Variants in RGS20 observed in about 807,000 individuals in gnomAD.
RGS20 encodes regulator of G protein signaling 20, also known as gz-selective GTPase-activating protein.
Under a neutral mutation model 33.6 loss-of-function variants are expected in RGS20, and 30 were observed. That is an observed-to-expected ratio of 0.89 (90% CI 0.67 to 1.21). The LOEUF (loss-of-function observed/expected upper bound fraction) is 1.21, where lower values mean the gene tolerates loss of function less well. Among genes scored for constraint, RGS20 ranks in the 50% most tolerant of loss-of-function variants. The pLI is 0.00. For missense variants in RGS20, 472 were observed against 502.4 expected (o/e 0.94, Z 0.58); for synonymous variants, 208 against 197.9 (o/e 1.05, Z -0.43).
At chr8:53,881,176 G>A in intron 2 of RGS20, 92 bp downstream of exon 1, 3 of 970,692 alleles carry the variant, frequency 3.1e-6, no homozygotes, top group Admixed American at 3.5e-5. Context: ...GGAGGGGCGC[G>A]CCGCTCGTCC....
intron 2 of RGS20, among the ~76,000 whole-genome samples, chr8:53,924,199 A>T (rs1204183727): frequency 6.7e-6 from 1 of 148,250 alleles, no homozygotes; most frequent in Admixed American, 6.8e-5. Context: ...TTTATTTTTT[A>T]TTTTTTTTTG....
At chr8:53,856,094 G>A (rs1811663071) in intron 1 of RGS20, among the ~76,000 whole-genome samples, 1 of 152,160 alleles carries the variant, frequency 6.6e-6, no homozygotes, top group South Asian at 2.1e-4. Context: ...CTTTCTGTAT[G>A]ATTTCTGCCC....
At chr8:53,945,097 T>C (rs1033733271) in intron 3 of RGS20, among the ~76,000 whole-genome samples, 1 of 152,176 alleles carries the variant, frequency 6.6e-6, no homozygotes, top group Non-Finnish European at 1.5e-5. Context: ...GCAGTTCTAC[T>C]CCGAGGTTTC....
chr8:53,902,539 A>G (rs1212042063), intron 2 of RGS20, among the ~76,000 whole-genome samples: 2 of 151,938 alleles, frequency 1.3e-5, no homozygotes, highest in Non-Finnish European at 2.9e-5. Context: ...CTTCCTCTCT[A>G]TCTTTCTCAT....
intron 1 of RGS20, among the ~76,000 whole-genome samples, chr8:53,868,087 G>A (rs1036218012): frequency 6.6e-6 from 1 of 152,176 alleles, no homozygotes; most frequent in Non-Finnish European, 1.5e-5. Context: ...TGGAGAATTA[G>A]CAGCCATGTG....
rs572928454 is a variant in RGS20, at chr8:53,877,980, G to C, written c.166-1278G>C. On this transcript the variant is annotated intron_variant, in intron 1 of 5. Coordinates refer to ENST00000297313, the MANE Select transcript of RGS20 (RefSeq NM_170587.4). The surrounding 1 kb of genome is among the most constrained non-coding windows in gnomAD (Gnocchi z 5.7). ...CCGCGCCAGGCCCACGAGGCCGCTC[G>C]CGACCGCTCCCGCCTTCAGGACCCT... 6.6e-6 allele frequency among the ~76,000 whole-genome samples: 1 copy of C among 152,272 alleles called. No individual in the cohort carries two copies. The highest frequency in any genetic ancestry group is 1.9e-4 in the East Asian group (1 of 5,168).
At chr8:53,957,815 TG>T (rs1401954711) in intron 5 of RGS20, among the ~76,000 whole-genome samples, 1 of 152,200 alleles carries the variant, frequency 6.6e-6, no homozygotes, top group African/African-American at 2.4e-5. Flanking sequence ...TTTGGCAGTT[TG>T]GATTTTTTGG....
intron 2 of RGS20, chr8:53,880,938 A>C (rs1812349969): frequency 6.4e-7 from 1 of 1,558,356 alleles, no homozygotes; most frequent in Non-Finnish European, 8.6e-7. Flanking sequence ...GAGAAAGGCG[A>C]AAGGCGCGGT....
In RGS20 at chr8:53,958,576, A is replaced by G. The variant is rs892162906; in HGVS notation, c.*118A>G. ...CTGGAGTAATACTCAGGCTATTCTA[A>G]TAACAGATGATTCCTTCAACAGACT... On this transcript the variant is annotated 3_prime_UTR_variant, in exon 6 of 6. Coordinates refer to ENST00000297313, the MANE Select transcript of RGS20 (RefSeq NM_170587.4). 8.7e-6 allele frequency: 4 copies of G among 459,444 alleles called. No homozygotes were observed. Among genetic ancestry groups the G allele is most frequent in the African/African-American group, 2.0e-5 (1 of 49,334 alleles). The allele number at this position is 459,444 out of a possible 1,614,324, so 28.5% of individuals were successfully genotyped here.
chr8:53,901,850 C>T (rs1290524433), intron 2 of RGS20, among the ~76,000 whole-genome samples: 1 of 152,042 alleles, frequency 6.6e-6, no homozygotes, highest in Non-Finnish European at 1.5e-5. Flanking sequence ...AGAGTGAGAC[C>T]CTGTCCCTTA....
At chr8:53,879,066 A>T (rs1240160867) in intron 1 of RGS20, among the ~76,000 whole-genome samples, 3 of 152,164 alleles carry the variant, frequency 2.0e-5, no homozygotes, top group African/African-American at 7.2e-5. Context: ...CCACACTTCA[A>T]GTAGCACGGA....
chr8:53,866,447 GCTCACTGCAACCTC>G (rs1004601509), intron 1 of RGS20, among the ~76,000 whole-genome samples: 3 of 151,874 alleles, frequency 2.0e-5, no homozygotes, highest in African/African-American at 7.3e-5. Flanking sequence ...CACAATCTCG[GCTCACTGCAACCTC>G]CGCCTCCCAG....
intron 2 of RGS20, among the ~76,000 whole-genome samples, chr8:53,887,553 C>A (rs1318766496): frequency 1.3e-5 from 2 of 152,172 alleles, no homozygotes; most frequent in Non-Finnish European, 2.9e-5. Context: ...AGAGGTGACA[C>A]AGGAGAGGGT....
At chr8:53,908,432 G>A (rs550006230) in intron 2 of RGS20, among the ~76,000 whole-genome samples, 1 of 152,248 alleles carries the variant, frequency 6.6e-6, no homozygotes, top group African/African-American at 2.4e-5. Context: ...TTGAGCCCAG[G>A]AGTTTGAGAC....
At chr8:53,871,948 C>A (rs959310990) in intron 1 of RGS20, among the ~76,000 whole-genome samples, 2 of 152,096 alleles carry the variant, frequency 1.3e-5, no homozygotes, top group Non-Finnish European at 2.9e-5. Flanking sequence ...GACCTCCCTA[C>A]CCTAAGCTCA....
chr8:53,928,426 A>G (rs72655194), intron 2 of RGS20, among the ~76,000 whole-genome samples: 5 of 152,314 alleles, frequency 3.3e-5, no homozygotes, highest in Non-Finnish European at 5.9e-5. Flanking sequence ...ATTTCTGTAC[A>G]CTTACTTATC....
At chr8:53,900,317 T>C (rs1240012704) in intron 2 of RGS20, among the ~76,000 whole-genome samples, 1 of 151,844 alleles carries the variant, frequency 6.6e-6, no homozygotes, top group Admixed American at 6.6e-5. Flanking sequence ...GATTTTTAAA[T>C]TTTTTTTAGA....
At chr8:53,934,997 C>A (rs1174528314) in intron 2 of RGS20, among the ~76,000 whole-genome samples, 1 of 152,130 alleles carries the variant, frequency 6.6e-6, no homozygotes, top group Non-Finnish European at 1.5e-5. Flanking sequence ...GAACAACCTG[C>A]TCTTGAATGA....
At position 53,875,451 on chromosome 8, in the gene RGS20, C is replaced by A. The variant is rs57407604; in HGVS notation, c.166-3807C>A. ...TGTCAAAAAAAAAAAAAAAAAAAAACCAAAAAAACCAAAAAAACTAAAAAA... is the reference window on the plus strand; with the variant it reads ...TGTCAAAAAAAAAAAAAAAAAAAAAACAAAAAAACCAAAAAAACTAAAAAA... On this transcript the variant is annotated intron_variant, in intron 1 of 5. Transcript: ENST00000297313. Among the ~76,000 whole-genome samples, 337 of 135,402 alleles carry A rather than the reference C, an allele frequency of 2.5e-3. 2 individuals carry two copies. The highest frequency in any genetic ancestry group is 7.6e-3 in the Middle Eastern group (2 of 264). 88.8% of individuals were successfully genotyped at this position (135,402 alleles called of 152,430 possible).
Sources: gnomAD v4.1 joint callset for allele counts (sites outside exome capture counted in the v4.1 genomes callset) on GRCh38, gnomAD v4.1.1 for gene constraint, Gnocchi (gnomAD v3.1) non-coding constraint, MANE v1.5 for transcripts, NCBI Gene and HGNC (gene_info 2026-07-23, HGNC 2026-07-21) for gene names.